Variants in PTPRB observed in about 807,000 individuals in gnomAD.
PTPRB encodes protein tyrosine phosphatase receptor type B, also known as receptor-type tyrosine-protein phosphatase beta.
In PTPRB, 97 loss-of-function variants were observed where a neutral mutation model predicts 238.1. The observed-to-expected ratio is 0.41, with a 90% CI of 0.35 to 0.48. PTPRB has a LOEUF of 0.48. Ranked by LOEUF, PTPRB falls within the 20% of genes least tolerant of loss-of-function variation. The pLI is 0.30. For missense variants in PTPRB, 2,292 were observed against 2,681.9 expected (o/e 0.85, Z 3.21); for synonymous variants, 970 against 995.4 (o/e 0.97, Z 0.48).
rs992753092 is a variant in PTPRB at position 70,516,885 on chromosome 12, T to G, written c.*4604A>C. 2.0e-5 allele frequency: 3 copies of G among 152,234 alleles called. No homozygotes were observed. The highest frequency in any genetic ancestry group is 4.4e-5 in the Non-Finnish European group (3 of 68,036). 9.4% of individuals were successfully genotyped at this position (152,234 alleles called of 1,614,324 possible). ...ATTCACCAACAATTTCTTTATTTAA[T>G]AAGTGTATCTTATATAGACAATCTT... On this transcript the variant is annotated 3_prime_UTR_variant, in exon 34 of 34. Coordinates refer to ENST00000334414, the MANE Select transcript of PTPRB (RefSeq NM_001109754.4).
Position 70,576,423 on chromosome 12 carries a change from C to T in PTPRB, c.2801G>A (p.Ser934Asn). 3.7e-6 allele frequency: 6 copies of T among 1,610,940 alleles called. No homozygotes were observed. Among genetic ancestry groups the T allele is most frequent in the Non-Finnish European group, 5.1e-6 (6 of 1,178,738 alleles). The change falls in exon 11 of 34, where the codon AGT becomes AAT. Residue 934 changes from serine (S) to asparagine (N), a missense_variant. This residue lies in a region of PTPRB where 1,205 missense variants were observed against 1,287.8 expected (regional missense o/e 0.94). Coordinates refer to ENST00000334414, the MANE Select transcript of PTPRB (RefSeq NM_001109754.4). The part of the protein sequence containing the change: ...RLYTVTITTR[S>N]GKYENHSFSQ... ...GAAGGAGTGATTTTCATACTTGCCA[C>T]TCCTTGTAGTTATGGTCACGGTGTA...
At chr12:70,625,008 T>C (rs867885792) in intron 2 of PTPRB, among the ~76,000 whole-genome samples, 11 of 152,204 alleles carry the variant, frequency 7.2e-5, no homozygotes, top group Non-Finnish European at 1.3e-4. Flanking sequence ...GACTATCCTA[T>C]GGAAAAAATT....
chr12:70,611,978 C>A (rs2717433), intron 3 of PTPRB, among the ~76,000 whole-genome samples: 29,249 of 152,080 alleles, frequency 0.19, 4,096 homozygotes, highest in African/African-American at 0.38. Flanking sequence ...TTTATAGGAG[C>A]CTTTTCCCAG....
At chr12:70,584,248 A>G (rs928596026) in intron 9 of PTPRB, among the ~76,000 whole-genome samples, 1 of 152,208 alleles carries the variant, frequency 6.6e-6, no homozygotes, top group Non-Finnish European at 1.5e-5. Context: ...GAGAAAACAC[A>G]TGGAAAATAT....
intron 2 of PTPRB, among the ~76,000 whole-genome samples, chr12:70,628,659 A>G (rs764469202): frequency 6.6e-6 from 1 of 152,168 alleles, no homozygotes; most frequent in Admixed American, 6.5e-5. Context: ...TAAAACTTCA[A>G]TAACTGGGTC....
intron 1 of PTPRB, 89 bp downstream of exon 1, chr12:70,637,252 T>C: frequency 8.0e-7 from 1 of 1,251,406 alleles, no homozygotes; most frequent in Non-Finnish European, 1.1e-6. Flanking sequence ...CCTGGCCCCT[T>C]CTACCTTATT....
chr12:70,591,045 C>G (rs1368047042), intron 7 of PTPRB, among the ~76,000 whole-genome samples: 1 of 149,942 alleles, frequency 6.7e-6, no homozygotes, highest in Non-Finnish European at 1.5e-5. Flanking sequence ...ATCCTCCCAG[C>G]TCAGCCTCCT....
Position 70,609,093 on chromosome 12 carries a change from C to T in PTPRB, c.955G>A (p.Glu319Lys). Residue 319 changes from glutamate (E) to lysine (K), a missense_variant, in exon 4 of 34, where the codon GAG becomes AAG. Coordinates refer to ENST00000334414, the MANE Select transcript of PTPRB (RefSeq NM_001109754.4). Reference protein sequence around the residue: ...YNFRIISLDEERTVVLQTDPL... With the variant: ...YNFRIISLDEKRTVVLQTDPL... ...CCTGTTTGCAAGACCACTGTTCTCT[C>T]TTCATCCAGAGAAATAATCCTGAAG... 16 of 1,614,044 alleles carry T rather than the reference C, an allele frequency of 9.9e-6. No individual in the cohort carries two copies. Among genetic ancestry groups the T allele is most frequent in the Non-Finnish European group, 1.4e-5 (16 of 1,179,898 alleles).
chr12:70,578,072 G>C (rs750229735), intron 10 of PTPRB, among the ~76,000 whole-genome samples: 6 of 152,076 alleles, frequency 3.9e-5, no homozygotes, highest in Non-Finnish European at 8.8e-5. Context: ...AGTTTTCACA[G>C]AAATATGATT....
chr12:70,583,303 C>A (rs1218748763), intron 9 of PTPRB, among the ~76,000 whole-genome samples: 1 of 152,056 alleles, frequency 6.6e-6, no homozygotes, highest in Non-Finnish European at 1.5e-5. Context: ...TTCTAATAAA[C>A]ACAACTATAC....
rs1217079903 is a variant in PTPRB at position 70,560,344 on chromosome 12, G to A, written c.4432+327C>T. On this transcript the variant is annotated intron_variant, in intron 17 of 33. Coordinates refer to ENST00000334414, the MANE Select transcript of PTPRB (RefSeq NM_001109754.4). This position sits in a 1 kb window ranked among gnomAD's most constrained non-coding sequence, Gnocchi z 4.2. ...GGGTGGCACACAGACCTCTGTGTGT[G>A]CCCATGACATAAAAACAGTTAGGAA... Among the ~76,000 whole-genome samples the A allele has an allele frequency of 6.6e-6, 1 of 152,150 alleles. No individual in the cohort carries two copies. Among genetic ancestry groups the A allele is most frequent in the Non-Finnish European group, 1.5e-5 (1 of 68,018 alleles).
chr12:70,527,241 G>T (rs1427144329), intron 32 of PTPRB, among the ~76,000 whole-genome samples: 6 of 152,154 alleles, frequency 3.9e-5, no homozygotes, highest in African/African-American at 1.4e-4. Flanking sequence ...AGATACAATT[G>T]TGTATAAGGT....
Position 70,562,217 on chromosome 12 carries a change from G to A in PTPRB, c.4168+627C>T, listed in dbSNP as rs564752057. Among the ~76,000 whole-genome samples the A allele has an allele frequency of 9.2e-5, 14 of 152,288 alleles. No homozygotes were observed. In the South Asian group the frequency reaches 2.3e-3, roughly 25 times the overall value. ...GAGGATCACTTGAGCCCAGGTGGTCGAGGCTGCAGGGAGCCATGATGGCAT... is the reference window on the plus strand; with the variant it reads ...GAGGATCACTTGAGCCCAGGTGGTCAAGGCTGCAGGGAGCCATGATGGCAT... On this transcript the variant is annotated intron_variant, in intron 16 of 33. Transcript: ENST00000334414.
intron 27 of PTPRB, 186 bp from the exon 28 acceptor site, chr12:70,538,417 A>G (rs1309423208): frequency 4.0e-5 from 22 of 549,804 alleles, no homozygotes; most frequent in Non-Finnish European, 6.1e-5. Flanking sequence ...GCCTATAACC[A>G]GTCAGACACA....
At position 70,544,678 on chromosome 12, in the gene PTPRB, G is replaced by T; in HGVS notation, c.5388-15C>A. 2 of 1,518,600 alleles carry T rather than the reference G, an allele frequency of 1.3e-6. No individual in the cohort carries two copies. Among genetic ancestry groups the T allele is most frequent in the Non-Finnish European group, 1.8e-6 (2 of 1,125,492 alleles). The allele number at this position is 1,518,600 out of a possible 1,614,324, so 94.1% of individuals were successfully genotyped here. A position where few individuals can be genotyped will look rare whatever the true frequency, so the allele number is the denominator to read the frequency against. On this transcript the variant is annotated splice_polypyrimidine_tract_variant and intron_variant, in intron 21 of 33. Transcript: ENST00000334414. ...GAATGCTGATTCTGAAAAGAAAACC[G>T]ATTTATTTAAATATAAATTAGTTGT...
In PTPRB at chr12:70,598,295, G is replaced by C. The variant is rs969062669; in HGVS notation, c.980-1968C>G. Among the ~76,000 whole-genome samples the C allele has an allele frequency of 2.6e-4, 40 of 152,140 alleles. 1 individual carries two copies. Among genetic ancestry groups the C allele is most frequent in the African/African-American group, 8.9e-4 (37 of 41,434 alleles). ...GTAGAATTGTTATGAAGATTACATT[G>C]AATATTATATAAAAAGTAGTTAGAA... On this transcript the variant is annotated intron_variant, in intron 4 of 33. Coordinates refer to ENST00000334414, the MANE Select transcript of PTPRB (RefSeq NM_001109754.4).
At chr12:70,626,426 A>C (rs1226967436) in intron 2 of PTPRB, among the ~76,000 whole-genome samples, 1 of 136,050 alleles carries the variant, frequency 7.4e-6, no homozygotes, top group Non-Finnish European at 1.5e-5. Context: ...TACCTACCTA[A>C]TCTATCTAGT....
intron 3 of PTPRB, among the ~76,000 whole-genome samples, chr12:70,620,681 T>C (rs1021654959): frequency 6.6e-6 from 1 of 152,124 alleles, no homozygotes; most frequent in East Asian, 1.9e-4. Flanking sequence ...TATTCAGCCA[T>C]GAAAAAGAAT....
rs1877067423 is a variant in PTPRB, at chr12:70,552,652, T to G, written c.5387+125A>C. On this transcript the variant is annotated intron_variant, in intron 21 of 33. Coordinates refer to ENST00000334414, the MANE Select transcript of PTPRB (RefSeq NM_001109754.4). Reference sequence around the variant, plus strand: ...AACGTTTATAAATTACCCAGTAAAATGCACAGTACTCTTGTAACGTAGGTT... The same window carrying G: ...AACGTTTATAAATTACCCAGTAAAAGGCACAGTACTCTTGTAACGTAGGTT... The G allele has an allele frequency of 2.4e-6, 3 of 1,255,124 alleles. No homozygotes were observed. The South Asian group carries it at 4.5e-5, about 19-fold the overall frequency. The allele number at this position is 1,255,124 out of a possible 1,614,324, so 77.7% of individuals were successfully genotyped here.
Sources: gnomAD v4.1 joint callset for allele counts (sites outside exome capture counted in the v4.1 genomes callset) on GRCh38, gnomAD v4.1.1 for gene constraint, gnomAD v4.1.1 regional missense constraint, Gnocchi (gnomAD v3.1) non-coding constraint, MANE v1.5 for transcripts, NCBI Gene and HGNC (gene_info 2026-07-23, HGNC 2026-07-21) for gene names.